TNIK: variants seen among roughly 807,000 people sequenced by gnomAD.
TNIK encodes the protein TRAF2 and NCK-interacting protein kinase.
TNIK carries 49 observed loss-of-function variants against 191.3 expected under a neutral mutation model. That is an observed-to-expected ratio of 0.26 (90% CI 0.20 to 0.32). TNIK has a LOEUF of 0.32. Ranked by LOEUF, TNIK falls within the 10% of genes least tolerant of loss-of-function variation. The pLI, the probability that TNIK is intolerant of heterozygous loss-of-function variation, is 1.00. For missense variants in TNIK, 1,155 were observed against 1,702.3 expected (o/e 0.68, Z 5.66); for synonymous variants, 594 against 600.9 (o/e 0.99, Z 0.17).
chr3:171,247,938 T>G (rs1428651463), intron 2 of TNIK, among the ~76,000 whole-genome samples: 1 of 152,080 alleles, frequency 6.6e-6, no homozygotes, highest in Non-Finnish European at 1.5e-5. Context: ...AAAAGTTGCT[T>G]GGTCTGAAAA....
chr3:171,105,916 T>C (rs1724773181), intron 21 of TNIK, among the ~76,000 whole-genome samples: 2 of 152,182 alleles, frequency 1.3e-5, no homozygotes, highest in Admixed American at 1.3e-4. Context: ...CTTCTCACTA[T>C]TATGAGAGAG....
chr3:171,441,899 A>C (rs896310339), intron 1 of TNIK, among the ~76,000 whole-genome samples: 2 of 152,372 alleles, frequency 1.3e-5, no homozygotes, highest in Non-Finnish European at 2.9e-5. Context: ...CAGAGTTCAC[A>C]TGATCTCACA....
chr3:171,208,776 T>C (rs1740426967), intron 4 of TNIK, among the ~76,000 whole-genome samples: 1 of 152,098 alleles, frequency 6.6e-6, no homozygotes, highest in African/African-American at 2.4e-5. Context: ...GTCAGGCTGG[T>C]CTCAAACTCC....
chr3:171,194,456 A>T, intron 5 of TNIK, 69 bp downstream of exon 5: 2 of 1,365,490 alleles, frequency 1.5e-6, no homozygotes, highest in Non-Finnish European at 2.0e-6. Context: ...AAAAAATTCA[A>T]TCCCTCATAA....
intron 1 of TNIK, among the ~76,000 whole-genome samples, chr3:171,431,643 G>A (rs1015935073): frequency 1.5e-4 from 23 of 152,176 alleles, no homozygotes; most frequent in African/African-American, 4.1e-4. Context: ...GGAGGATACT[G>A]CTTTTGCGTC....
intron 1 of TNIK, among the ~76,000 whole-genome samples, chr3:171,437,652 GGAGGT>G (rs1385800044): frequency 7.9e-5 from 12 of 152,286 alleles, no homozygotes; most frequent in African/African-American, 2.9e-4. Context: ...CAACAGTCAG[GGAGGT>G]GAGAGTAAAT....
rs199607868 is a variant in TNIK, at chr3:171,244,038, G to GT, written c.124-15818dup. Among the ~76,000 whole-genome samples the GT allele has an allele frequency of 6.1e-3, 844 of 138,320 alleles. 8 individuals carry two copies. Among genetic ancestry groups the GT allele is most frequent in the South Asian group, 0.023 (95 of 4,116 alleles). The allele number at this position is 138,320 out of a possible 152,430, so 90.7% of individuals were successfully genotyped here. A position where few individuals can be genotyped will look rare whatever the true frequency, so the allele number is the denominator to read the frequency against. ...AACAATTGAAGAGGACTGCAATTTTGTTTTTTTTAGAGACAGAAATAGTTT... is the reference window on the plus strand; with the variant it reads ...AACAATTGAAGAGGACTGCAATTTTGTTTTTTTTTAGAGACAGAAATAGTTT... On this transcript the variant is annotated intron_variant, in intron 2 of 32. Transcript: ENST00000436636.
chr3:171,162,901 G>A (rs772047464), intron 10 of TNIK, among the ~76,000 whole-genome samples: 2 of 152,156 alleles, frequency 1.3e-5, no homozygotes, highest in Non-Finnish European at 2.9e-5. Flanking sequence ...TACATATAAA[G>A]AGCAATGAGA....
chr3:171,324,532 A>G (rs961803662), intron 2 of TNIK, among the ~76,000 whole-genome samples: 1 of 152,032 alleles, frequency 6.6e-6, no homozygotes, highest in Non-Finnish European at 1.5e-5. Flanking sequence ...TCTCATTAGA[A>G]CCTGAGCTGG....
At chr3:171,173,246 A>G (rs1735552155) in intron 9 of TNIK, among the ~76,000 whole-genome samples, 1 of 151,544 alleles carries the variant, frequency 6.6e-6, no homozygotes, top group African/African-American at 2.4e-5. Flanking sequence ...AATACAAAAA[A>G]TTAGCAGGGC....
At chr3:171,169,426 C>A (rs947396677) in intron 9 of TNIK, among the ~76,000 whole-genome samples, 3 of 152,044 alleles carry the variant, frequency 2.0e-5, no homozygotes, top group African/African-American at 4.8e-5. Flanking sequence ...TGACACCACA[C>A]CTGGATAATT....
At chr3:171,162,114 A>G (rs527838622) in intron 10 of TNIK, among the ~76,000 whole-genome samples, 1 of 151,696 alleles carries the variant, frequency 6.6e-6, no homozygotes, top group Non-Finnish European at 1.5e-5. Flanking sequence ...AACTTTTGAC[A>G]ATAGGTGCTA....
chr3:171,189,577 T>C (rs1296947050), intron 6 of TNIK, among the ~76,000 whole-genome samples: 2 of 152,196 alleles, frequency 1.3e-5, no homozygotes, highest in Admixed American at 1.3e-4. Flanking sequence ...TTGTATCTCA[T>C]TTCTGCCGCT....
At chr3:171,128,458 A>G (rs1308250012) in intron 16 of TNIK, among the ~76,000 whole-genome samples, 4 of 152,170 alleles carry the variant, frequency 2.6e-5, no homozygotes, top group South Asian at 4.1e-4. Context: ...AGGAACTCCT[A>G]TGGGTCCCCA....
Position 171,167,279 on chromosome 3 carries a change from CA to C in TNIK, c.774-10del, listed in dbSNP as rs1456955421. ...ACTGGAATTTTTTTGACCTGCCAAA[CA>C]AAAGAAATGAATCCACAGATAAAAC... On this transcript the variant is annotated splice_polypyrimidine_tract_variant and intron_variant, in intron 9 of 32. Transcript: ENST00000436636. The C allele has an allele frequency of 3.1e-6, 5 of 1,609,052 alleles. No individual in the cohort carries two copies. Among genetic ancestry groups the C allele is most frequent in the Non-Finnish European group, 4.2e-6 (5 of 1,177,058 alleles).
At chr3:171,342,520 A>G (rs935833905) in intron 2 of TNIK, among the ~76,000 whole-genome samples, 8 of 152,204 alleles carry the variant, frequency 5.3e-5, no homozygotes, top group Non-Finnish European at 8.8e-5. Flanking sequence ...CAAAAAAACA[A>G]AAAAAGAGGG....
At chr3:171,152,142 G>A (rs1487130695) in intron 12 of TNIK, among the ~76,000 whole-genome samples, 3 of 152,050 alleles carry the variant, frequency 2.0e-5, no homozygotes, top group Admixed American at 6.5e-5. Context: ...CTAGCTGGGC[G>A]TGGTGGAGCA....
chr3:171,261,809 T>C (rs1454437396), intron 2 of TNIK, among the ~76,000 whole-genome samples: 1 of 152,036 alleles, frequency 6.6e-6, no homozygotes, highest in South Asian at 2.1e-4. Context: ...TTTCAGATAA[T>C]GATGTGTGTT....
chr3:171,197,594 G>A (rs1738865551), intron 4 of TNIK, among the ~76,000 whole-genome samples: 1 of 152,056 alleles, frequency 6.6e-6, no homozygotes, highest in Non-Finnish European at 1.5e-5. Context: ...ATGGGCAAAG[G>A]ACTTGAATAG....
Sources: allele counts gnomAD v4.1 joint callset (sites outside exome capture counted in the v4.1 genomes callset), GRCh38; gene constraint gnomAD v4.1.1; transcripts MANE v1.5; gene names NCBI Gene and HGNC (gene_info 2026-07-23, HGNC 2026-07-21).